Variants in NANS observed in about 807,000 individuals in gnomAD.
NANS encodes N-acetylneuraminate-9-phosphate synthase.
A neutral mutation model predicts 33.3 loss-of-function variants in NANS; 29 were observed. The observed-to-expected ratio is 0.87, with a 90% CI of 0.65 to 1.19. The LOEUF is 1.19. Among genes scored for constraint, NANS ranks in the 50% most tolerant of loss-of-function variants. The pLI is 0.00. For synonymous variants in NANS, 163 were observed against 177.2 expected (o/e 0.92, Z 0.64); for missense variants, 394 against 461.1 (o/e 0.85, Z 1.33).
At position 98,060,852 on chromosome 9, in the gene NANS, A is replaced by G; in HGVS notation, c.203A>G (p.Glu68Gly). The G allele has an allele frequency of 6.2e-7, 1 of 1,614,216 alleles. No homozygotes were observed. The highest frequency in any genetic ancestry group is 1.1e-5 in the South Asian group (1 of 91,086). The change falls in exon 2 of 6, where the codon GAG becomes GGG. Residue 68 changes from glutamate to glycine, a missense_variant. Physicochemically the swap from Glu to Gly is moderately conservative, Grantham distance 98. Transcript: ENST00000210444. Reference sequence around the variant, plus strand: ...TTCAAGTTTAATCGGAAAGCCTTGGAGAGGCCATACACCTCGAAGCATTCC... The same window carrying G: ...TTCAAGTTTAATCGGAAAGCCTTGGGGAGGCCATACACCTCGAAGCATTCC... ...LEFKFNRKAL[E>G]RPYTSKHSWG...
At chr9:98,063,070 A>G (rs1829032532) in intron 2 of NANS, among the ~76,000 whole-genome samples, 1 of 150,510 alleles carries the variant, frequency 6.6e-6, no homozygotes. Context: ...CCAAGTATGC[A>G]TGCACCACCA....
In NANS at chr9:98,072,153, G is replaced by A. The variant is rs536877985; in HGVS notation, c.349-4765G>A. Among the ~76,000 whole-genome samples the A allele has an allele frequency of 8.5e-5, 13 of 152,286 alleles. No individual in the cohort carries two copies. The East Asian group carries it at 1.2e-3, about 14-fold the overall frequency. ...GGGCTCCTCATGTAACCTTGGAGCC[G>A]CAGTGGCCCCCGTCTGTAAAAACAG... On this transcript the variant is annotated intron_variant, in intron 2 of 5. Coordinates refer to ENST00000210444, the MANE Select transcript of NANS (RefSeq NM_018946.4).
rs750949025 is a variant in NANS at position 98,060,832 on chromosome 9, G to T, written c.183G>T (p.Lys61Asn). The T allele has an allele frequency of 6.2e-7, 1 of 1,614,206 alleles. No homozygotes were observed. The highest frequency in any genetic ancestry group is 1.1e-5 in the South Asian group (1 of 91,090). ...TCCAGAAGAGTGAGCTAGAATTCAA[G>T]TTTAATCGGAAAGCCTTGGAGAGGC... ...AKFQKSELEF[K>N]FNRKALERPY... Residue 61 changes from lysine to asparagine, a missense_variant, in exon 2 of 6, where the codon AAG becomes AAT. Lys to Asn is a moderately conservative substitution (Grantham distance 94). Transcript: ENST00000210444.
intron 3 of NANS, among the ~76,000 whole-genome samples, chr9:98,077,715 T>C (rs1829652832): frequency 1.3e-5 from 2 of 152,114 alleles, no homozygotes; most frequent in South Asian, 2.1e-4. Flanking sequence ...CTCATAACAC[T>C]CCTAGGACTG....
At chr9:98,061,507 C>T (rs953509550) in intron 2 of NANS, among the ~76,000 whole-genome samples, 8 of 145,664 alleles carry the variant, frequency 5.5e-5, no homozygotes, top group South Asian at 2.2e-4. Context: ...AAAGGCCAGG[C>T]GCGGTGTCTC....
chr9:98,065,273 A>G (rs1346089943), intron 2 of NANS, among the ~76,000 whole-genome samples: 1 of 148,458 alleles, frequency 6.7e-6, no homozygotes, highest in Non-Finnish European at 1.5e-5. Context: ...TGGTGAAATA[A>G]TATTATTCTT....
chr9:98,071,140 T>C (rs1829323086), intron 2 of NANS, among the ~76,000 whole-genome samples: 1 of 152,200 alleles, frequency 6.6e-6, no homozygotes, highest in Non-Finnish European at 1.5e-5. Flanking sequence ...AATTTGAAGA[T>C]GAAAACATTT....
chr9:98,058,753 C>G (rs1284748911), intron 1 of NANS, among the ~76,000 whole-genome samples: 1 of 152,166 alleles, frequency 6.6e-6, no homozygotes, highest in Non-Finnish European at 1.5e-5. Context: ...TAGCGAGACC[C>G]TGTCTCTAAT....
intron 4 of NANS, among the ~76,000 whole-genome samples, chr9:98,079,344 A>G (rs1298405937): frequency 3.9e-5 from 6 of 152,236 alleles, no homozygotes; most frequent in East Asian, 3.8e-4. Flanking sequence ...AATTCTATCT[A>G]TCTATCCACA....
intron 2 of NANS, among the ~76,000 whole-genome samples, chr9:98,069,014 T>C (rs973856677): frequency 5.3e-5 from 8 of 152,200 alleles, no homozygotes; most frequent in African/African-American, 1.9e-4. Flanking sequence ...ATTCAACCAC[T>C]TAACATAGAC....
In NANS at chr9:98,056,744, A is replaced by G; in HGVS notation, c.-65A>G. Reference sequence around the variant, plus strand: ...CGCAGCGTTGCTCACAGAACAGAGTAGAGGCGGCGGCGGCGGCGGCCGGAC... The same window carrying G: ...CGCAGCGTTGCTCACAGAACAGAGTGGAGGCGGCGGCGGCGGCGGCCGGAC... On this transcript the variant is annotated 5_prime_UTR_variant, in exon 1 of 6. Coordinates refer to ENST00000210444, the MANE Select transcript of NANS (RefSeq NM_018946.4). 1 of 1,568,308 alleles carries G rather than the reference A, an allele frequency of 6.4e-7. No individual in the cohort carries two copies. The highest frequency in any genetic ancestry group is 8.6e-7 in the Non-Finnish European group (1 of 1,161,096).
chr9:98,082,959 T>C lies in NANS; in HGVS notation c.984T>C (p.Phe328=). ...AAGGCTATCCTCCTGAAGACATCTT[T>C]AATCTAGTGGGCAAGAAGGTCCTGG... The part of the protein sequence containing the change: ...EPKGYPPEDI[F]NLVGKKVLVT... Residue 328 remains phenylalanine (F), a synonymous_variant, in exon 6 of 6, where the codon TTT becomes TTC. Transcript: ENST00000210444. 6.2e-7 allele frequency: 1 copy of C among 1,614,168 alleles called. No individual in the cohort carries two copies. Among genetic ancestry groups the C allele is most frequent in the Non-Finnish European group, 8.5e-7 (1 of 1,180,028 alleles).
At chr9:98,079,422 T>C (rs1049890790) in intron 4 of NANS, among the ~76,000 whole-genome samples, 1 of 152,130 alleles carries the variant, frequency 6.6e-6, no homozygotes, top group African/African-American at 2.4e-5. Context: ...TATTTGACAT[T>C]GTTTTCCCCA....
At chr9:98,065,169 G>A (rs182983671) in intron 2 of NANS, among the ~76,000 whole-genome samples, 13 of 152,208 alleles carry the variant, frequency 8.5e-5, no homozygotes, top group Admixed American at 2.6e-4. Context: ...CCTTCTGGGC[G>A]TACTCACAGC....
intron 3 of NANS, 147 bp downstream of exon 3, chr9:98,077,164 T>C: frequency 6.3e-6 from 4 of 638,344 alleles, no homozygotes; most frequent in Non-Finnish European, 1.0e-5. Flanking sequence ...GGTCTCGCTG[T>C]GTTGGCCAGG....
chr9:98,076,564 G>A (rs1227014233), intron 2 of NANS: 1 of 210,192 alleles, frequency 4.8e-6, no homozygotes, highest in Non-Finnish European at 9.5e-6. Context: ...TAGTAGAGAC[G>A]GGGTTTCACC....
chr9:98,063,667 G>T (rs549862132), intron 2 of NANS, among the ~76,000 whole-genome samples: 1 of 151,562 alleles, frequency 6.6e-6, no homozygotes, highest in Non-Finnish European at 1.5e-5. Context: ...TCAGCCTGCT[G>T]AGTAGCTGGG....
chr9:98,072,887 T>A (rs1394916375), intron 2 of NANS, among the ~76,000 whole-genome samples: 2 of 152,206 alleles, frequency 1.3e-5, no homozygotes, highest in Non-Finnish European at 2.9e-5. Context: ...CTCCACACTG[T>A]ATGCTGTTCT....
intron 1 of NANS, among the ~76,000 whole-genome samples, chr9:98,058,394 G>A (rs919999428): frequency 2.0e-5 from 3 of 152,090 alleles, no homozygotes; most frequent in Non-Finnish European, 2.9e-5. Flanking sequence ...TGATGCTGCC[G>A]ATTTCATTTT....
Sources: allele counts gnomAD v4.1 joint callset (sites outside exome capture counted in the v4.1 genomes callset), GRCh38; gene constraint gnomAD v4.1.1; transcripts MANE v1.5; gene names NCBI Gene and HGNC (gene_info 2026-07-23, HGNC 2026-07-21).